Variants in FCHO2 observed in about 807,000 individuals in gnomAD.
The protein encoded by FCHO2 is FCH and mu domain containing endocytic adaptor 2, also known as F-BAR domain only protein 2.
FCHO2 carries 43 observed loss-of-function variants against 114.1 expected under a neutral mutation model. The observed-to-expected ratio is 0.38, with a 90% CI of 0.30 to 0.49. The LOEUF is 0.49. Ranked by LOEUF, FCHO2 falls within the 20% of genes least tolerant of loss-of-function variation. The pLI, the probability that FCHO2 is intolerant of heterozygous loss-of-function variation, is 0.97. For missense variants in FCHO2, 807 were observed against 950.4 expected, an observed-to-expected ratio of 0.85 and a Z score of 1.98; for synonymous variants, 293 against 315.2, an observed-to-expected ratio of 0.93 and a Z score of 0.75.
chr5:72,960,186 G>A (rs1751778245), intron 1 of FCHO2, among the ~76,000 whole-genome samples: 1 of 152,172 alleles, frequency 6.6e-6, no homozygotes, highest in Non-Finnish European at 1.5e-5. Context: ...AGTTTGAATC[G>A]TTGAAACTCT....
In FCHO2 at chr5:73,063,948, T is replaced by C. The variant is rs529224921; in HGVS notation, c.1449+4T>C. 17 of 1,600,108 alleles carry C rather than the reference T, an allele frequency of 1.1e-5. No homozygotes were observed. The highest frequency in any genetic ancestry group is 8.0e-5 in the African/African-American group (6 of 74,554). On this transcript the variant is annotated splice_donor_region_variant and intron_variant, in intron 18 of 25. Transcript: ENST00000430046. ...ACTCAGTGGGATTAATGAAATAGTA[T>C]GTACTCAGGTTTTTTAAAAATTATT...
chr5:72,992,144 A>G (rs565267594), intron 5 of FCHO2, among the ~76,000 whole-genome samples: 1 of 152,334 alleles, frequency 6.6e-6, no homozygotes, highest in East Asian at 1.9e-4. Context: ...TGGAAAAATG[A>G]AAATAGGTGA....
intron 14 of FCHO2, 147 bp downstream of exon 14, chr5:73,054,318 A>G: frequency 1.1e-6 from 1 of 874,484 alleles, no homozygotes; most frequent in Non-Finnish European, 1.7e-6. Context: ...TTTTAAAAAC[A>G]TTAGGTGTTA....
intron 5 of FCHO2, among the ~76,000 whole-genome samples, chr5:72,995,177 T>G (rs1487365078): frequency 1.3e-5 from 2 of 150,036 alleles, no homozygotes; most frequent in East Asian, 3.9e-4. Context: ...TTGAAAGAAA[T>G]AATCATAATA....
At chr5:73,039,882 G>A (rs1756722195) in intron 10 of FCHO2, among the ~76,000 whole-genome samples, 2 of 150,532 alleles carry the variant, frequency 1.3e-5, no homozygotes, top group Non-Finnish European at 3.0e-5. Flanking sequence ...GAGCCGAGAC[G>A]ATGCCACTGA....
At chr5:73,028,893 C>T (rs1014488031) in intron 8 of FCHO2, among the ~76,000 whole-genome samples, 10 of 151,966 alleles carry the variant, frequency 6.6e-5, no homozygotes, top group Admixed American at 1.3e-4. Flanking sequence ...GTGATCCACC[C>T]GCCTCGGCCT....
chr5:72,980,339 A>C (rs887070273), intron 2 of FCHO2, among the ~76,000 whole-genome samples: 1 of 152,030 alleles, frequency 6.6e-6, no homozygotes, highest in Non-Finnish European at 1.5e-5. Flanking sequence ...GTTCTTTTGC[A>C]TTTGCTGAGG....
chr5:72,984,834 C>A (rs1302698036), intron 2 of FCHO2, among the ~76,000 whole-genome samples: 4 of 151,986 alleles, frequency 2.6e-5, no homozygotes, highest in Middle Eastern at 3.2e-3. Context: ...TGAGGGTTCA[C>A]CAGGTTGCCC....
chr5:72,976,259 TG>T (rs1752866831), intron 2 of FCHO2, among the ~76,000 whole-genome samples: 1 of 152,180 alleles, frequency 6.6e-6, no homozygotes, highest in South Asian at 2.1e-4. Flanking sequence ...AATTTTTTTT[TG>T]TAGAGGCAAG....
At chr5:72,959,152 A>G (rs752062956) in intron 1 of FCHO2, among the ~76,000 whole-genome samples, 2 of 152,192 alleles carry the variant, frequency 1.3e-5, no homozygotes, top group Non-Finnish European at 2.9e-5. Context: ...GGCTGTGAGG[A>G]GGCTCAGTGA....
chr5:73,020,891 G>T (rs903217197), intron 8 of FCHO2: 7 of 1,147,108 alleles, frequency 6.1e-6, no homozygotes, highest in Admixed American at 1.7e-5. Flanking sequence ...AGCTCACCAC[G>T]GGAGAGCTTA....
intron 2 of FCHO2, among the ~76,000 whole-genome samples, chr5:72,981,738 G>C (rs1007181435): frequency 1.3e-5 from 2 of 151,984 alleles, no homozygotes; most frequent in African/African-American, 2.4e-5. Context: ...TGATCGATTT[G>C]GCTATTGATA....
In FCHO2 at chr5:73,089,580, G is replaced by A. The variant is rs996948955; in HGVS notation, c.*1490G>A. On this transcript the variant is annotated 3_prime_UTR_variant, in exon 26 of 26. Transcript: ENST00000430046. ...ATTAATTGAAGAAATAAAATATTTCGGATAAGGTTTCATAATTTACAAATG... is the reference window on the plus strand; with the variant it reads ...ATTAATTGAAGAAATAAAATATTTCAGATAAGGTTTCATAATTTACAAATG... 2.6e-5 allele frequency: 4 copies of A among 152,212 alleles called. No homozygotes were observed. Among genetic ancestry groups the A allele is most frequent in the Admixed American group, 1.3e-4 (2 of 15,228 alleles). 9.4% of individuals were successfully genotyped at this position (152,212 alleles called of 1,614,324 possible).
At chr5:73,045,701 C>T (rs1757021686) in intron 11 of FCHO2, among the ~76,000 whole-genome samples, 1 of 152,122 alleles carries the variant, frequency 6.6e-6, no homozygotes, top group Non-Finnish European at 1.5e-5. Flanking sequence ...ATAATTGTTT[C>T]CATCCTTTTT....
intron 1 of FCHO2, among the ~76,000 whole-genome samples, chr5:72,967,176 C>T (rs1192385357): frequency 6.6e-6 from 1 of 152,222 alleles, no homozygotes; most frequent in African/African-American, 2.4e-5. Context: ...ATCCCAGCTA[C>T]TCAGGGGGCT....
chr5:72,976,288 A>G (rs1172163552), intron 2 of FCHO2, among the ~76,000 whole-genome samples: 3 of 152,046 alleles, frequency 2.0e-5, no homozygotes, highest in Non-Finnish European at 4.4e-5. Context: ...TATGTTTCCC[A>G]GGCTAGTCTC....
intron 19 of FCHO2, among the ~76,000 whole-genome samples, chr5:73,069,551 TC>T (rs1742531142): frequency 6.6e-6 from 1 of 151,928 alleles, no homozygotes; most frequent in Non-Finnish European, 1.5e-5. Flanking sequence ...GGGTTCTCGC[TC>T]CTATGAGAGT....
intron 2 of FCHO2, among the ~76,000 whole-genome samples, chr5:72,979,340 G>A (rs1753052399): frequency 2.7e-5 from 4 of 149,698 alleles, no homozygotes; most frequent in Non-Finnish European, 5.9e-5. Flanking sequence ...TTAGACCTGG[G>A]AGGGTGTATG....
chr5:73,044,433 T>A (rs1170002475), intron 11 of FCHO2, among the ~76,000 whole-genome samples: 1 of 152,154 alleles, frequency 6.6e-6, no homozygotes, highest in East Asian at 1.9e-4. Flanking sequence ...AGAGGCAATG[T>A]CTCACTATGT....
Sources: allele counts gnomAD v4.1 joint callset (sites outside exome capture counted in the v4.1 genomes callset), GRCh38; gene constraint gnomAD v4.1.1; transcripts MANE v1.5; gene names NCBI Gene and HGNC (gene_info 2026-07-23, HGNC 2026-07-21).